CDK19: variants seen among roughly 807,000 people sequenced by gnomAD.
The protein encoded by CDK19 is cyclin dependent kinase 19, also known as cyclin-dependent kinase 19.
Under a neutral mutation model 68.3 loss-of-function variants are expected in CDK19, and 20 were observed. The observed-to-expected ratio is 0.29, with a 90% CI of 0.21 to 0.43. The LOEUF is 0.43. CDK19 is among the 20% of genes least tolerant of loss of function. The pLI is 1.00. For missense variants in CDK19, 339 were observed against 623.5 expected (o/e 0.54, Z 4.86); for synonymous variants, 221 against 222.8 (o/e 0.99, Z 0.07).
chr6:110,674,762 C>T (rs1439173977), intron 2 of CDK19, among the ~76,000 whole-genome samples: 3 of 151,888 alleles, frequency 2.0e-5, no homozygotes, highest in Non-Finnish European at 4.4e-5. Context: ...ATTAGCTGGG[C>T]GTAGTGGCAG....
chr6:110,790,493 C>G (rs1034772020), intron 1 of CDK19, among the ~76,000 whole-genome samples: 3 of 152,042 alleles, frequency 2.0e-5, no homozygotes, highest in Admixed American at 6.6e-5. Context: ...CAGGATCACA[C>G]CACTACGCTC....
At chr6:110,615,691 T>A (rs1778268077) in intron 12 of CDK19, among the ~76,000 whole-genome samples, 2 of 152,150 alleles carry the variant, frequency 1.3e-5, no homozygotes, top group Admixed American at 6.6e-5. Context: ...CAATAGTCCA[T>A]CCCAAAACTA....
At chr6:110,714,483 T>C (rs902998549) in intron 2 of CDK19, among the ~76,000 whole-genome samples, 15 of 152,260 alleles carry the variant, frequency 9.9e-5, no homozygotes, top group Middle Eastern at 6.8e-3. Context: ...ACCAAAATGT[T>C]TTCTATAGTG....
intron 4 of CDK19, among the ~76,000 whole-genome samples, chr6:110,664,409 A>T (rs534730040): frequency 6.6e-6 from 1 of 152,124 alleles, no homozygotes; most frequent in Non-Finnish European, 1.5e-5. Context: ...TCTCTCATCT[A>T]TCTTATAGTA....
chr6:110,724,110 T>C (rs1461384087), intron 2 of CDK19, among the ~76,000 whole-genome samples: 2 of 152,062 alleles, frequency 1.3e-5, no homozygotes, highest in African/African-American at 2.4e-5. Context: ...TCCCAGCACT[T>C]TGGGAGGCCG....
chr6:110,665,503 T>G (rs1394278897), intron 4 of CDK19, among the ~76,000 whole-genome samples: 3 of 152,160 alleles, frequency 2.0e-5, no homozygotes, highest in Non-Finnish European at 4.4e-5. Context: ...CAGGTGACAA[T>G]ATCATGAATA....
chr6:110,652,526 G>C (rs1461425752), intron 4 of CDK19, among the ~76,000 whole-genome samples: 1 of 152,126 alleles, frequency 6.6e-6, no homozygotes, highest in Non-Finnish European at 1.5e-5. Flanking sequence ...CATTCCTTAA[G>C]TTTGAGCTTA....
intron 5 of CDK19, 37 bp downstream of exon 5, chr6:110,638,612 A>G: frequency 9.7e-7 from 1 of 1,033,738 alleles, no homozygotes; most frequent in Non-Finnish European, 1.5e-6. Context: ...AGTTAACTTC[A>G]GTTTTTAAAT....
At chr6:110,812,932 T>G (rs1348996732) in intron 1 of CDK19, among the ~76,000 whole-genome samples, 2 of 152,136 alleles carry the variant, frequency 1.3e-5, no homozygotes, top group Non-Finnish European at 2.9e-5. Flanking sequence ...ACGTGGGTGT[T>G]TACTGTAAAG....
At chr6:110,641,383 G>C (rs751273796) in intron 4 of CDK19, among the ~76,000 whole-genome samples, 1 of 151,966 alleles carries the variant, frequency 6.6e-6, no homozygotes, top group Non-Finnish European at 1.5e-5. Flanking sequence ...GATCACCTGA[G>C]GTCAGGAGTT....
At chr6:110,733,888 T>C (rs529177845) in intron 2 of CDK19, among the ~76,000 whole-genome samples, 1 of 152,312 alleles carries the variant, frequency 6.6e-6, no homozygotes, top group East Asian at 1.9e-4. Flanking sequence ...TTTTCCGGTA[T>C]AATGGATGAA....
At chr6:110,768,522 A>G (rs1779744915) in intron 1 of CDK19, among the ~76,000 whole-genome samples, 1 of 152,260 alleles carries the variant, frequency 6.6e-6, no homozygotes, top group Admixed American at 6.5e-5. Context: ...TAAACTTGAT[A>G]TGTCCAGAAA....
intron 1 of CDK19, among the ~76,000 whole-genome samples, chr6:110,781,100 T>A (rs904311846): frequency 6.6e-6 from 1 of 152,172 alleles, no homozygotes; most frequent in Non-Finnish European, 1.5e-5. Context: ...TTTGCGTTGC[T>A]ATAAAGGAAT....
At chr6:110,737,537 G>C (rs1430561854) in intron 2 of CDK19, among the ~76,000 whole-genome samples, 1 of 152,152 alleles carries the variant, frequency 6.6e-6, no homozygotes. Context: ...TAGTAGAGCA[G>C]ACAACAGACA....
intron 9 of CDK19, 103 bp from the exon 10 acceptor site, chr6:110,623,015 T>C: frequency 1.2e-6 from 1 of 812,040 alleles, no homozygotes; most frequent in Non-Finnish European, 2.2e-6. Flanking sequence ...TAAAATACAT[T>C]TGGTGTAGCT....
At chr6:110,666,888 T>C (rs996515803) in intron 4 of CDK19, among the ~76,000 whole-genome samples, 8 of 152,186 alleles carry the variant, frequency 5.3e-5, no homozygotes, top group African/African-American at 1.9e-4. Context: ...TATCAGTAAA[T>C]AATGGTTACA....
intron 1 of CDK19, among the ~76,000 whole-genome samples, chr6:110,796,480 C>T (rs1781944404): frequency 6.6e-6 from 1 of 151,570 alleles, no homozygotes; most frequent in Non-Finnish European, 1.5e-5. Context: ...TGGTGACACC[C>T]CCATCTCTAC....
intron 2 of CDK19, among the ~76,000 whole-genome samples, chr6:110,708,228 T>A (rs1050077134): frequency 1.3e-5 from 2 of 151,990 alleles, no homozygotes; most frequent in African/African-American, 4.8e-5. Flanking sequence ...TTGCCAAGGG[T>A]TCTATTCAAC....
chr6:110,645,992 G>A (rs764011403), intron 4 of CDK19: 29 of 1,145,060 alleles, frequency 2.5e-5, no homozygotes, highest in Non-Finnish European at 3.7e-5. Context: ...GCGTCTTCAA[G>A]TATCTGGGCA....
Sources: gnomAD v4.1 joint callset for allele counts (sites outside exome capture counted in the v4.1 genomes callset) on GRCh38, gnomAD v4.1.1 for gene constraint, MANE v1.5 for transcripts, NCBI Gene and HGNC (gene_info 2026-07-23, HGNC 2026-07-21) for gene names.